SLC16A7: variants seen among roughly 807,000 people sequenced by gnomAD.
The protein encoded by SLC16A7 is solute carrier family 16 member 7, also known as monocarboxylate transporter 2.
A neutral mutation model predicts 34.9 loss-of-function variants in SLC16A7; 33 were observed. The ratio of observed to expected loss-of-function variants is 0.94; its 90% CI spans 0.72 to 1.26. The LOEUF (loss-of-function observed/expected upper bound fraction) is 1.26. SLC16A7 is among the 50% of genes most tolerant of loss of function. The pLI, the probability that SLC16A7 is intolerant of heterozygous loss-of-function variation, is 0.00. For synonymous variants in SLC16A7, 201 were observed against 206.6 expected (o/e 0.97, Z 0.23); for missense variants, 573 against 578.1 (o/e 0.99, Z 0.09).
At chr12:59,751,831 G>A (rs940886455) in intron 3 of SLC16A7, among the ~76,000 whole-genome samples, 49 of 152,270 alleles carry the variant, frequency 3.2e-4, no homozygotes, top group African/African-American at 1.1e-3. Flanking sequence ...CCTGACCCCC[G>A]AGCAGCCTAA....
chr12:59,700,515 T>C (rs115181586), intron 2 of SLC16A7, among the ~76,000 whole-genome samples: 1,622 of 149,384 alleles, frequency 0.011, 21 homozygotes, highest in African/African-American at 0.038. Context: ...TAATTATTAA[T>C]TATTAAGAAT....
intron 3 of SLC16A7, among the ~76,000 whole-genome samples, chr12:59,741,846 G>A (rs756313823): frequency 1.3e-5 from 2 of 152,178 alleles, no homozygotes; most frequent in Non-Finnish European, 2.9e-5. Context: ...GTTACTGGTG[G>A]TGAATCCATC....
chr12:59,743,356 C>A (rs911008671), intron 3 of SLC16A7, among the ~76,000 whole-genome samples: 1 of 152,092 alleles, frequency 6.6e-6, no homozygotes. Context: ...AATGCCTTTG[C>A]ATTTAAAATT....
At chr12:59,671,898 TATATATAC>T (rs1190848993) in intron 2 of SLC16A7, among the ~76,000 whole-genome samples, 1 of 121,280 alleles carries the variant, frequency 8.2e-6, no homozygotes, top group Non-Finnish European at 1.7e-5. Flanking sequence ...TGTACATATG[TATATATAC>T]ATATATGTAT....
chr12:59,726,535 T>C (rs1320070242), intron 3 of SLC16A7, among the ~76,000 whole-genome samples: 2 of 152,168 alleles, frequency 1.3e-5, no homozygotes, highest in Non-Finnish European at 2.9e-5. Context: ...TTCTTACTGC[T>C]CTTGGATATT....
intron 3 of SLC16A7, among the ~76,000 whole-genome samples, chr12:59,737,362 A>C (rs370578911): frequency 6.6e-6 from 1 of 152,244 alleles, no homozygotes; most frequent in South Asian, 2.1e-4. Context: ...ATTGTTGAGA[A>C]AGAGGAATTT....
intron 3 of SLC16A7, among the ~76,000 whole-genome samples, chr12:59,764,274 A>G (rs926751831): frequency 1.3e-5 from 2 of 152,144 alleles, no homozygotes; most frequent in South Asian, 2.1e-4. Context: ...CTTCAATTCT[A>G]CTGAAGGTAA....
Position 59,775,274 on chromosome 12 carries a change from T to C in SLC16A7, c.979T>C (p.Cys327Arg), listed in dbSNP as rs1882645399. The change falls in exon 5 of 6, where the codon TGT becomes CGT. Residue 327 changes from cysteine (C) to arginine (R), a missense_variant. Transcript: ENST00000547379. The part of the protein sequence containing the change: ...FSFAIMFNGV[C>R]HLLCPLAQDY... Reference sequence around the variant, plus strand: ...TTTTGCAATCATGTTCAATGGAGTGTGTCACCTCTTGTGCCCACTGGCACA... The same window carrying C: ...TTTTGCAATCATGTTCAATGGAGTGCGTCACCTCTTGTGCCCACTGGCACA... 1 of 1,614,184 alleles carries C rather than the reference T, an allele frequency of 6.2e-7. No individual in the cohort carries two copies. Among genetic ancestry groups the C allele is most frequent in the African/African-American group, 1.3e-5 (1 of 75,074 alleles).
intron 1 of SLC16A7, among the ~76,000 whole-genome samples, chr12:59,649,373 G>A (rs1868302762): frequency 6.6e-6 from 1 of 152,158 alleles, no homozygotes; most frequent in African/African-American, 2.4e-5. Context: ...TTTATTTGGG[G>A]CTTGAGAGTG....
Position 59,786,309 on chromosome 12 carries a change from T to A in SLC16A7, c.*6630T>A, listed in dbSNP as rs1438355751. On this transcript the variant is annotated 3_prime_UTR_variant, in exon 6 of 6. Coordinates refer to ENST00000547379, the MANE Select transcript of SLC16A7 (RefSeq NM_001270623.2). ...ATCTCACATAAATTTAGGATGAAAT[T>A]TTAAAACATTCTTTTGACTAAGACT... The A allele has an allele frequency of 6.6e-6, 1 of 151,970 alleles. No individual in the cohort carries two copies. The highest frequency in any genetic ancestry group is 1.5e-5 in the Non-Finnish European group (1 of 67,970). 9.4% of individuals were successfully genotyped at this position (151,970 alleles called of 1,614,324 possible). A position where few individuals can be genotyped will look rare whatever the true frequency, so the allele number is the denominator to read the frequency against.
Position 59,627,187 on chromosome 12 carries a change from G to A in SLC16A7, c.-129-27965G>A, listed in dbSNP as rs188873439. ...TTATACATTGACCTGGAACCCAAGA[G>A]AGTTTATGCACAATTGGTGAATTAA... is the stretch of plus-strand genomic sequence containing the variant. On this transcript the variant is annotated intron_variant, in intron 1 of 5. Coordinates refer to ENST00000547379, the MANE Select transcript of SLC16A7 (RefSeq NM_001270623.2). Among the ~76,000 whole-genome samples the A allele has an allele frequency of 3.8e-4, 57 of 151,890 alleles. 2 individuals carry two copies. The highest frequency in any genetic ancestry group is 1.3e-3 in the African/African-American group (53 of 41,478).
intron 1 of SLC16A7, among the ~76,000 whole-genome samples, chr12:59,644,684 AT>A (rs1880832719): frequency 6.6e-6 from 1 of 152,190 alleles, no homozygotes; most frequent in African/African-American, 2.4e-5. Context: ...TTGCAAAAAA[AT>A]TTCTAAGTTA....
At chr12:59,767,093 T>C (rs1268744023) in intron 3 of SLC16A7, among the ~76,000 whole-genome samples, 1 of 152,002 alleles carries the variant, frequency 6.6e-6, no homozygotes, top group Non-Finnish European at 1.5e-5. Flanking sequence ...TATCCATTTC[T>C]TCTAGATTTT....
chr12:59,676,413 A>G (rs1592477156), intron 2 of SLC16A7, among the ~76,000 whole-genome samples: 1 of 151,592 alleles, frequency 6.6e-6, no homozygotes, highest in East Asian at 1.9e-4. Flanking sequence ...TTCTCTTTTG[A>G]TGTTAAGTAG....
At chr12:59,645,702 G>A (rs1880878784) in intron 1 of SLC16A7, among the ~76,000 whole-genome samples, 1 of 152,144 alleles carries the variant, frequency 6.6e-6, no homozygotes, top group African/African-American at 2.4e-5. Flanking sequence ...ACCCAAAAAT[G>A]TGGAAGCAAC....
At chr12:59,684,584 T>C (rs1871005237) in intron 2 of SLC16A7, among the ~76,000 whole-genome samples, 1 of 151,896 alleles carries the variant, frequency 6.6e-6, no homozygotes, top group African/African-American at 2.4e-5. Flanking sequence ...ATCGAAGAAG[T>C]GTTAGGACAA....
At chr12:59,665,381 G>A (rs913085465) in intron 2 of SLC16A7, among the ~76,000 whole-genome samples, 1 of 151,746 alleles carries the variant, frequency 6.6e-6, no homozygotes. Context: ...AATGCCAAAA[G>A]TAACCTATTT....
At chr12:59,769,702 A>G (rs1444201043) in intron 3 of SLC16A7, among the ~76,000 whole-genome samples, 1 of 152,074 alleles carries the variant, frequency 6.6e-6, no homozygotes, top group South Asian at 2.1e-4. Flanking sequence ...TTATATTTGT[A>G]TAAAAGGATA....
intron 1 of SLC16A7, among the ~76,000 whole-genome samples, chr12:59,622,315 A>G (rs17122739): frequency 0.046 from 7,061 of 151,930 alleles, 204 homozygotes; most frequent in Middle Eastern, 0.11. Context: ...TTAAAATAGA[A>G]CACAGAACTT....
Sources: gnomAD v4.1 joint callset for allele counts (sites outside exome capture counted in the v4.1 genomes callset) on GRCh38, gnomAD v4.1.1 for gene constraint, MANE v1.5 for transcripts, NCBI Gene and HGNC (gene_info 2026-07-23, HGNC 2026-07-21) for gene names.